Variants in WDR41 observed in about 807,000 individuals in gnomAD.
The protein encoded by WDR41 is WD repeat-containing protein 41.
Under a neutral mutation model 69.3 loss-of-function variants are expected in WDR41, and 63 were observed. The observed-to-expected ratio is 0.91, with a 90% CI of 0.74 to 1.12. WDR41 has a LOEUF of 1.12. Ranked by LOEUF, WDR41 falls within the 50% of genes most tolerant of loss-of-function variation. The probability of loss-of-function intolerance (pLI) is 0.00; values close to 1 mark genes in which losing one functional copy is unlikely to be tolerated. For missense variants in WDR41, 543 were observed against 534.5 expected (o/e 1.02, Z -0.16); for synonymous variants, 185 against 192.1 (o/e 0.96, Z 0.31).
At chr5:77,524,026 A>C (rs6886889) in intron 1 of WDR41, among the ~76,000 whole-genome samples, 3,457 of 152,304 alleles carry the variant, frequency 0.023, 110 homozygotes, top group African/African-American at 0.075. Context: ...TGATTTTTCT[A>C]AACGTGTTTT....
intron 12 of WDR41, among the ~76,000 whole-genome samples, chr5:77,433,715 T>G (rs1798820685): frequency 1.3e-5 from 2 of 151,728 alleles, no homozygotes; most frequent in East Asian, 1.9e-4. Flanking sequence ...CAGCACTACG[T>G]TTATGGTCCC....
intron 1 of WDR41, among the ~76,000 whole-genome samples, chr5:77,502,304 G>T (rs1802028951): frequency 6.6e-6 from 1 of 152,028 alleles, no homozygotes; most frequent in Non-Finnish European, 1.5e-5. Flanking sequence ...AATAAAGTGA[G>T]AAGAAAAGGT....
intron 4 of WDR41, among the ~76,000 whole-genome samples, chr5:77,462,003 G>T (rs895637541): frequency 1.3e-5 from 2 of 152,276 alleles, no homozygotes; most frequent in African/African-American, 4.8e-5. Context: ...GCAGTGGTTC[G>T]GGGCTCTGAC....
At chr5:77,513,346 G>A (rs959472463) in intron 1 of WDR41, among the ~76,000 whole-genome samples, 1 of 152,122 alleles carries the variant, frequency 6.6e-6, no homozygotes, top group African/African-American at 2.4e-5. Flanking sequence ...CTAGTGGTCA[G>A]CATTCACTAG....
At chr5:77,531,414 A>G (rs573156335) in intron 1 of WDR41, among the ~76,000 whole-genome samples, 2 of 152,100 alleles carry the variant, frequency 1.3e-5, no homozygotes, top group South Asian at 4.1e-4. Context: ...GATGCTCAAC[A>G]TCATTAGTGA....
chr5:77,486,711 G>A (rs1452509219), intron 2 of WDR41, among the ~76,000 whole-genome samples: 4 of 152,162 alleles, frequency 2.6e-5, no homozygotes, highest in Non-Finnish European at 4.4e-5. Context: ...AAATGAACCA[G>A]CCAGCCCCCG....
rs138050766 is a variant in WDR41, at chr5:77,514,848, T to C, written c.43-25276A>G. The stretch of plus-strand genomic sequence containing the variant: ...TGGTAAGTATTTGTGTATCTAAACA[T>C]AGAAAAGGTACAGTAAAGATACAGT... On this transcript the variant is annotated intron_variant, in intron 1 of 5. Coordinates refer to the WDR41 transcript ENST00000509971. Among the ~76,000 whole-genome samples the C allele has an allele frequency of 5.9e-4, 90 of 152,260 alleles. No individual in the cohort carries two copies. In the East Asian group the frequency reaches 0.015, roughly 25 times the overall value.
chr5:77,613,840 C>G (rs1744616575), intron 1 of WDR41, among the ~76,000 whole-genome samples: 1 of 152,122 alleles, frequency 6.6e-6, no homozygotes, highest in African/African-American at 2.4e-5. Context: ...AAAGAAACTA[C>G]CATTAGAGTG....
intron 8 of WDR41, among the ~76,000 whole-genome samples, chr5:77,445,310 C>G (rs1581699899): frequency 6.6e-6 from 1 of 152,090 alleles, no homozygotes; most frequent in African/African-American, 2.4e-5. Flanking sequence ...AAAAAAAGCC[C>G]AGGACCAGAT....
intron 1 of WDR41, among the ~76,000 whole-genome samples, chr5:77,511,259 A>G (rs1458533548): frequency 6.6e-6 from 1 of 152,170 alleles, no homozygotes; most frequent in Non-Finnish European, 1.5e-5. Flanking sequence ...CGTCTTTTCA[A>G]TACAGGCCAC....
At chr5:77,478,899 G>A (rs1157241954) in intron 2 of WDR41, among the ~76,000 whole-genome samples, 9 of 151,932 alleles carry the variant, frequency 5.9e-5, no homozygotes, top group Non-Finnish European at 8.8e-5. Flanking sequence ...CCTGTTTGTA[G>A]ATGACATGAT....
chr5:77,525,786 C>T (rs992711644), intron 1 of WDR41, among the ~76,000 whole-genome samples: 1 of 152,100 alleles, frequency 6.6e-6, no homozygotes, highest in Non-Finnish European at 1.5e-5. Context: ...CTTTTGAGCT[C>T]ATTTAGGACA....
intron 1 of WDR41, among the ~76,000 whole-genome samples, chr5:77,591,971 C>T (rs962514744): frequency 6.6e-6 from 1 of 152,026 alleles, no homozygotes; most frequent in African/African-American, 2.4e-5. Flanking sequence ...GTGAAGTATA[C>T]TAATCTACAA....
chr5:77,482,064 G>A (rs977542240), intron 2 of WDR41, among the ~76,000 whole-genome samples: 12 of 151,908 alleles, frequency 7.9e-5, no homozygotes, highest in African/African-American at 2.2e-4. Flanking sequence ...TTTTCATTAC[G>A]GAGAATTTAA....
intron 8 of WDR41, among the ~76,000 whole-genome samples, chr5:77,448,374 CACAG>C (rs923163377): frequency 2.6e-5 from 4 of 152,154 alleles, no homozygotes; most frequent in Non-Finnish European, 5.9e-5. Context: ...TTTCTATCAA[CACAG>C]ACAATCTAGT....
Position 77,464,904 on chromosome 5 carries a change from T to A in WDR41, c.168-95A>T. The A allele has an allele frequency of 4.0e-6, 5 of 1,246,076 alleles. No homozygotes were observed. The South Asian group carries it at 5.2e-5, about 13-fold the overall frequency. The allele number at this position is 1,246,076 out of a possible 1,614,324, so 77.2% of individuals were successfully genotyped here. ...CAAACCTTATTAGTGGTATTTTGACTAATATTAACGAAGATCAAGTTATTT... is the reference window on the plus strand; with the variant it reads ...CAAACCTTATTAGTGGTATTTTGACAAATATTAACGAAGATCAAGTTATTT... On this transcript the variant is annotated intron_variant, in intron 2 of 12. Transcript: ENST00000296679.
intron 1 of WDR41, among the ~76,000 whole-genome samples, chr5:77,523,783 A>C (rs1183995363): frequency 6.6e-6 from 1 of 152,238 alleles, no homozygotes; most frequent in Non-Finnish European, 1.5e-5. Flanking sequence ...TTGAGAGTTC[A>C]ATAAGACAAT....
chr5:77,459,033 T>A, intron 5 of WDR41, 29 bp downstream of exon 5: 1 of 1,509,414 alleles, frequency 6.6e-7, no homozygotes, highest in South Asian at 1.2e-5. Context: ...TAGATTGTCA[T>A]AAAAACTCAT....
chr5:77,451,948 G>C (rs1799641887), intron 6 of WDR41: 1 of 151,358 alleles, frequency 6.6e-6, no homozygotes, highest in South Asian at 2.1e-4. Context: ...ACTTCTACAA[G>C]GCATGTTACA....
Sources: gnomAD v4.1 joint callset for allele counts (sites outside exome capture counted in the v4.1 genomes callset) on GRCh38, gnomAD v4.1.1 for gene constraint, MANE v1.5 for transcripts, NCBI Gene and HGNC (gene_info 2026-07-23, HGNC 2026-07-21) for gene names.